Variants in CLVS1 observed in about 807,000 individuals in gnomAD.
CLVS1 encodes the protein clavesin 1, also known as clavesin-1.
In CLVS1, 10 loss-of-function variants were observed where a neutral mutation model predicts 33.1. That is an observed-to-expected ratio of 0.30 (90% CI 0.19 to 0.51). The LOEUF is 0.51. Among genes scored for constraint, CLVS1 ranks in the 20% least tolerant of loss-of-function variants. CLVS1 has a pLI of 0.97. For synonymous variants in CLVS1, 163 were observed against 166.1 expected (o/e 0.98, Z 0.14); for missense variants, 343 against 433.4 (o/e 0.79, Z 1.85).
At chr8:60,975,176 T>C in the CLVS1 span, among the ~76,000 whole-genome samples, 1 of 152,012 alleles carries the variant, frequency 6.6e-6, no homozygotes, top group Non-Finnish European at 1.5e-5. Flanking sequence ...AAGCACAGGA[T>C]TTAGAACCTG....
chr8:61,480,821 G>A (rs186189227), intron 5 of CLVS1, among the ~76,000 whole-genome samples: 261 of 152,122 alleles, frequency 1.7e-3, no homozygotes, highest in African/African-American at 6.1e-3. Context: ...AAATTGCCTT[G>A]GGGGAAACAT....
chr8:61,009,361 T>C, the CLVS1 span, among the ~76,000 whole-genome samples: 3 of 152,176 alleles, frequency 2.0e-5, no homozygotes. Context: ...TTGCTCAGGC[T>C]GGTCTCGAAC....
chr8:61,493,576 TCA>T (rs1454900233), intron 5 of CLVS1, among the ~76,000 whole-genome samples: 2 of 152,210 alleles, frequency 1.3e-5, no homozygotes, highest in African/African-American at 4.8e-5. Flanking sequence ...CCATCATTCT[TCA>T]AGCCCAGGCC....
chr8:61,147,824 G>T (rs1806449733), intron 2 of CLVS1, among the ~76,000 whole-genome samples: 1 of 152,146 alleles, frequency 6.6e-6, no homozygotes, highest in South Asian at 2.1e-4. Context: ...GGCCAAACTG[G>T]GTTGTATCAT....
intron 2 of CLVS1, among the ~76,000 whole-genome samples, chr8:61,249,993 G>A (rs1276699005): frequency 6.6e-6 from 1 of 152,122 alleles, no homozygotes; most frequent in Non-Finnish European, 1.5e-5. Context: ...ATTTGCCCAT[G>A]CCTATGTCCT....
chr8:61,488,153 A>G (rs1239825122), intron 5 of CLVS1, among the ~76,000 whole-genome samples: 2 of 152,342 alleles, frequency 1.3e-5, no homozygotes, highest in African/African-American at 4.8e-5. Context: ...ATTGAAATGC[A>G]TGGATTTAAC....
At chr8:61,293,023 T>C (rs1810053584) in intron 1 of CLVS1, among the ~76,000 whole-genome samples, 1 of 152,170 alleles carries the variant, frequency 6.6e-6, no homozygotes, top group African/African-American at 2.4e-5. Flanking sequence ...CAATCTACTT[T>C]TAACATTTCT....
At chr8:61,336,038 C>T (rs912880852) in intron 2 of CLVS1, among the ~76,000 whole-genome samples, 5 of 152,056 alleles carry the variant, frequency 3.3e-5, no homozygotes, top group Non-Finnish European at 7.4e-5. Context: ...AGACTCTCAG[C>T]GAATAGAATT....
At chr8:61,495,076 A>G (rs2129608767) in intron 5 of CLVS1, among the ~76,000 whole-genome samples, 1 of 152,352 alleles carries the variant, frequency 6.6e-6, no homozygotes, top group East Asian at 1.9e-4. Flanking sequence ...CTGTGCTGCC[A>G]GTACATCTAT....
chr8:61,420,234 C>CTATGTCACA (rs1815600612), intron 3 of CLVS1, among the ~76,000 whole-genome samples: 1 of 152,080 alleles, frequency 6.6e-6, no homozygotes, highest in Non-Finnish European at 1.5e-5. Context: ...CATAGGGTTG[C>CTATGTCACA]TACAAAAAGC....
intron 1 of CLVS1, among the ~76,000 whole-genome samples, chr8:61,299,369 T>A (rs1810344494): frequency 6.6e-6 from 1 of 152,188 alleles, no homozygotes; most frequent in African/African-American, 2.4e-5. Context: ...TCACTGTTTC[T>A]TAAGGTAATT....
chr8:61,337,783 G>A (rs1171223718), intron 2 of CLVS1, among the ~76,000 whole-genome samples: 1 of 152,204 alleles, frequency 6.6e-6, no homozygotes, highest in East Asian at 1.9e-4. Context: ...AAGGGAGTGT[G>A]GCAGGGCGGG....
the CLVS1 span, among the ~76,000 whole-genome samples, chr8:60,989,622 C>A: frequency 6.6e-6 from 1 of 152,158 alleles, no homozygotes; most frequent in Non-Finnish European, 1.5e-5. Context: ...GTAATGTGGG[C>A]GTTTCAATGT....
At chr8:61,145,561 G>A (rs893063935) in intron 2 of CLVS1, among the ~76,000 whole-genome samples, 1 of 152,210 alleles carries the variant, frequency 6.6e-6, no homozygotes, top group African/African-American at 2.4e-5. Flanking sequence ...CATCTTGCCT[G>A]TCCTTCCCCC....
At chr8:60,972,995 G>A in the CLVS1 span, among the ~76,000 whole-genome samples, 4 of 152,208 alleles carry the variant, frequency 2.6e-5, no homozygotes, top group Non-Finnish European at 4.4e-5. Flanking sequence ...GACAGGAGGC[G>A]AATGCTGCCA....
At chr8:61,122,360 C>T (rs1805888157) in intron 1 of CLVS1, among the ~76,000 whole-genome samples, 1 of 152,124 alleles carries the variant, frequency 6.6e-6, no homozygotes, top group Non-Finnish European at 1.5e-5. Flanking sequence ...AAGCCTCATA[C>T]TCAGGATCCT....
chr8:61,173,259 T>G (rs1807044472), intron 2 of CLVS1, among the ~76,000 whole-genome samples: 1 of 152,226 alleles, frequency 6.6e-6, no homozygotes. Context: ...AATGCTGTGT[T>G]AAAGAAAATG....
At chr8:61,274,495 T>C (rs1809526307) in intron 2 of CLVS1, among the ~76,000 whole-genome samples, 1 of 152,138 alleles carries the variant, frequency 6.6e-6, no homozygotes, top group African/African-American at 2.4e-5. Context: ...GTTGCTTTCT[T>C]CTCCCCCTGC....
rs184834862 is a variant in CLVS1 at position 61,338,939 on chromosome 8, G to A, written c.456-37666G>A. On this transcript the variant is annotated intron_variant, in intron 2 of 5. Transcript: ENST00000325897. ...CTCCCTTCCTGGCTCTCTCAGGTCAGTAGGCTTGGCCACCAAAGGGAACAC... is the reference window on the plus strand; with the variant it reads ...CTCCCTTCCTGGCTCTCTCAGGTCAATAGGCTTGGCCACCAAAGGGAACAC... Among the ~76,000 whole-genome samples the A allele has an allele frequency of 1.3e-3, 195 of 152,046 alleles. 1 individual carries two copies. Among genetic ancestry groups the A allele is most frequent in the Middle Eastern group, 3.4e-3 (1 of 294 alleles).
Sources: allele counts gnomAD v4.1 joint callset (sites outside exome capture counted in the v4.1 genomes callset), GRCh38; gene constraint gnomAD v4.1.1; transcripts MANE v1.5; gene names NCBI Gene and HGNC (gene_info 2026-07-23, HGNC 2026-07-21).